The following CPXCR1 variants were observed in gnomAD, a reference collection of about 807,000 sequenced individuals.
The protein encoded by CPXCR1 is CPX chromosome region candidate 1.
Under a neutral mutation model 13.8 loss-of-function variants are expected in CPXCR1, and 15 were observed. That is an observed-to-expected ratio of 1.09 (90% CI 0.73 to 1.67). CPXCR1 has a LOEUF of 1.67. Ranked by LOEUF, CPXCR1 falls within the 40% of genes most tolerant of loss-of-function variation. CPXCR1 has a pLI of 0.00. For missense variants in CPXCR1, 247 were observed against 223.6 expected (o/e 1.10, Z -0.67); for synonymous variants, 70 against 76.7 (o/e 0.91, Z 0.46).
rs1415383421 is a variant in CPXCR1, at chrX:88,753,989, G to C, written c.575G>C (p.Arg192Thr). 6 of 1,207,303 alleles carry C rather than the reference G, an allele frequency of 5.0e-6. No homozygotes were observed. Among genetic ancestry groups the C allele is most frequent in the African/African-American group, 1.8e-5 (1 of 56,783 alleles). Reference protein sequence around the residue: ...YHPNSFTHHERAITFRRPSRV... With the variant: ...YHPNSFTHHETAITFRRPSRV... ...CCAAATAGTTTCACCCATCACGAGA[G>C]AGCCATAACATTTAGAAGGCCTTCG... is the stretch of plus-strand genomic sequence containing the variant. The change falls in exon 3 of 3, where the codon AGA becomes ACA. Residue 192 changes from arginine (R) to threonine (T), a missense_variant. Physicochemically the swap from Arg to Thr is moderately conservative, Grantham distance 71. Transcript: ENST00000276127.
Position 88,754,396 on chromosome X carries a change from G to T in CPXCR1, c.*76G>T. 1.5e-6 allele frequency: 1 copy of T among 665,500 alleles called. No homozygotes were observed. The highest frequency in any genetic ancestry group is 2.2e-6 in the Non-Finnish European group (1 of 452,214). The allele number at this position is 665,500 out of a possible 1,213,427, so 54.8% of individuals were successfully genotyped here. On this transcript the variant is annotated 3_prime_UTR_variant, in exon 3 of 3. Coordinates refer to ENST00000276127, the MANE Select transcript of CPXCR1 (RefSeq NM_033048.6). Reference sequence around the variant, plus strand: ...TTGACTACTAAAGTAAGACAAAATTGCATGAACATAAATTTTAGTATTATT... The same window carrying T: ...TTGACTACTAAAGTAAGACAAAATTTCATGAACATAAATTTTAGTATTATT...
chrX:88,753,337 A>G (rs1200715051), intron 2 of CPXCR1, 70 bp from the exon 3 acceptor site: 1 of 646,754 alleles, frequency 1.5e-6, no homozygotes, highest in Non-Finnish European at 2.2e-6. Flanking sequence ...GCCATGACCA[A>G]AGAATTGACT....
chrX:88,751,941 C>A (rs965707049), intron 2 of CPXCR1, among the ~76,000 whole-genome samples: 1 of 111,583 alleles, frequency 9.0e-6, no homozygotes, highest in Non-Finnish European at 1.9e-5. Flanking sequence ...ATCCTGCTAA[C>A]TTATCCATAA....
In CPXCR1 at chrX:88,753,669, A is replaced by G. The variant is rs112663512; in HGVS notation, c.255A>G (p.Leu85=). The G allele has an allele frequency of 8.3e-6, 10 of 1,207,346 alleles. No homozygotes were observed. The African/African-American group carries it at 1.2e-4, about 15-fold the overall frequency. The change falls in exon 3 of 3, where the codon CTA becomes CTG. Residue 85 remains leucine (L), a synonymous_variant. Coordinates refer to ENST00000276127, the MANE Select transcript of CPXCR1 (RefSeq NM_033048.6). The part of the protein sequence containing the change: ...EIQKDQREED[L]KEELLLLQTP... ...AAAAAGATCAACGAGAAGAAGATCT[A>G]AAAGAAGAGCTTCTTCTACTTCAGA...
chrX:88,754,020 G>A lies in CPXCR1; in HGVS notation c.606G>A (p.Val202=), dbSNP rs1437274185. 2.5e-6 allele frequency: 3 copies of A among 1,210,505 alleles called. No homozygotes were observed. The highest frequency in any genetic ancestry group is 3.0e-5 in the East Asian group (1 of 33,812). The part of the protein sequence containing the change: ...RAITFRRPSR[V]HYYRPLTERM... ...TAACATTTAGAAGGCCTTCGAGGGT[G>A]CACTACTACCGTCCCCTCACTGAGA... The change falls in exon 3 of 3, where the codon GTG becomes GTA. Residue 202 remains valine (V), a synonymous_variant. Transcript: ENST00000276127.
In CPXCR1 at chrX:88,749,396, G is replaced by A. The variant is rs1602838319; in HGVS notation, c.-36G>A. 9.0e-6 allele frequency: 1 copy of A among 110,685 alleles called. No individual in the cohort carries two copies. Among genetic ancestry groups the A allele is most frequent in the South Asian group, 3.8e-4 (1 of 2,598 alleles). The allele number at this position is 110,685 out of a possible 1,213,427, so 9.1% of individuals were successfully genotyped here. On this transcript the variant is annotated 5_prime_UTR_variant, in exon 2 of 3. Transcript: ENST00000276127. ...TACTGCATTTCAGCCTTACTGAGAA[G>A]CAGCCAGTCATACTATCCTCAAATT... is the stretch of plus-strand genomic sequence containing the variant.
Position 88,753,737 on chromosome X carries a change from A to G in CPXCR1, c.323A>G (p.Asp108Gly), listed in dbSNP as rs188296152. ...RKLVSHKPLNDRSRSHSGKVE... is the reference protein window; with the variant it reads ...RKLVSHKPLNGRSRSHSGKVE... Reference sequence around the variant, plus strand: ...TTGGTCTCTCACAAGCCCTTAAATGATAGATCAAGATCCCACTCAGGGAAA... The same window carrying G: ...TTGGTCTCTCACAAGCCCTTAAATGGTAGATCAAGATCCCACTCAGGGAAA... The change falls in exon 3 of 3, where the codon GAT becomes GGT. Residue 108 changes from aspartate (D) to glycine (G), a missense_variant. Physicochemically the swap from Asp to Gly is moderately conservative, Grantham distance 94 (BLOSUM62 -1). Coordinates refer to ENST00000276127, the MANE Select transcript of CPXCR1 (RefSeq NM_033048.6). 2 of 1,207,092 alleles carry G rather than the reference A, an allele frequency of 1.7e-6. No homozygotes were observed.
intron 2 of CPXCR1, among the ~76,000 whole-genome samples, chrX:88,751,525 G>A (rs1180721222): frequency 2.7e-5 from 3 of 111,360 alleles, no homozygotes; most frequent in Admixed American, 1.9e-4. Context: ...ATGTGGTGCT[G>A]AGAAGAATGT....
chrX:88,748,954 GT>G (rs1924847401), intron 1 of CPXCR1, among the ~76,000 whole-genome samples: 4 of 105,616 alleles, frequency 3.8e-5, no homozygotes, highest in Non-Finnish European at 7.7e-5. Context: ...TATACTTTAA[GT>G]TTTAGGGTAC....
chrX:88,752,745 C>T (rs1924958183), intron 2 of CPXCR1, among the ~76,000 whole-genome samples: 1 of 110,249 alleles, frequency 9.1e-6, no homozygotes, highest in Non-Finnish European at 1.9e-5. Flanking sequence ...CAGGGTTTCA[C>T]CAGGTTGGTC....
chrX:88,753,321 C>A, intron 2 of CPXCR1, 86 bp from the exon 3 acceptor site: 1 of 521,754 alleles, frequency 1.9e-6, no homozygotes, highest in Non-Finnish European at 2.9e-6. Flanking sequence ...CATTCACAGG[C>A]TTTTTGCCAT....
At position 88,754,263 on chromosome X, in the gene CPXCR1, G is replaced by T; in HGVS notation, c.849G>T (p.Arg283Ser). The T allele has an allele frequency of 8.6e-7, 1 of 1,169,302 alleles. No individual in the cohort carries two copies. Among genetic ancestry groups the T allele is most frequent in the South Asian group, 2.0e-5 (1 of 49,953 alleles). Residue 283 changes from arginine (R) to serine (S), a missense_variant, in exon 3 of 3, where the codon AGG becomes AGT. Physicochemically the swap from Arg to Ser is moderately radical, Grantham distance 110. Coordinates refer to ENST00000276127, the MANE Select transcript of CPXCR1 (RefSeq NM_033048.6). ...AATACTTTTGTCCCATCTGTGGAAGGCTTTTTAACACTTACTCTGAATTAA... is the reference window on the plus strand; with the variant it reads ...AATACTTTTGTCCCATCTGTGGAAGTCTTTTTAACACTTACTCTGAATTAA... ...GWKYFCPICG[R>S]LFNTYSELRQ...
In CPXCR1 at chrX:88,754,148, A is replaced by C; in HGVS notation, c.734A>C (p.Glu245Ala). 1 of 1,197,053 alleles carries C rather than the reference A, an allele frequency of 8.4e-7. No individual in the cohort carries two copies. The highest frequency in any genetic ancestry group is 1.8e-5 in the South Asian group (1 of 55,829). Residue 245 changes from glutamate to alanine, a missense_variant, in exon 3 of 3, where the codon GAA becomes GCA. Physicochemically the swap from Glu to Ala is moderately radical, Grantham distance 107. Transcript: ENST00000276127. ...SVLFVSQIQI[E>A]SIFNIKGFVD... ...CTCTTTGTGTCACAGATACAAATTG[A>C]AAGTATTTTTAATATAAAAGGTTTT...
chrX:88,750,045 G>A (rs945525236), intron 2 of CPXCR1, among the ~76,000 whole-genome samples: 1 of 110,493 alleles, frequency 9.1e-6, no homozygotes, highest in Non-Finnish European at 1.9e-5. Context: ...GACTTCCTCT[G>A]TTCTTATTTG....
At chrX:88,752,831 G>C (rs947907153) in intron 2 of CPXCR1, among the ~76,000 whole-genome samples, 1 of 111,598 alleles carries the variant, frequency 9.0e-6, no homozygotes, top group Non-Finnish European at 1.9e-5. Context: ...ACAGGCATGG[G>C]ACACCGCGCT....
In CPXCR1 at chrX:88,753,936, G is replaced by A; in HGVS notation, c.522G>A (p.Lys174=). 8.3e-7 allele frequency: 1 copy of A among 1,210,774 alleles called. No individual in the cohort carries two copies. Among genetic ancestry groups the A allele is most frequent in the South Asian group, 1.8e-5 (1 of 56,940 alleles). Residue 174 remains lysine, a synonymous_variant, in exon 3 of 3, where the codon AAG becomes AAA. Transcript: ENST00000276127. ...AAGCQNTMWV[K]RKYIACLYHP... Reference sequence around the variant, plus strand: ...GGTGTCAGAATACCATGTGGGTAAAGCGAAAATATATAGCATGTCTTTACC... The same window carrying A: ...GGTGTCAGAATACCATGTGGGTAAAACGAAAATATATAGCATGTCTTTACC...
chrX:88,748,697 A>T (rs948484652), intron 1 of CPXCR1, among the ~76,000 whole-genome samples: 1 of 110,478 alleles, frequency 9.1e-6, no homozygotes, highest in Non-Finnish European at 1.9e-5. Context: ...GATATCACAT[A>T]TTATGTTTAT....
rs922834144 is a variant in CPXCR1, at chrX:88,754,425, G to A, written c.*105G>A. On this transcript the variant is annotated 3_prime_UTR_variant, in exon 3 of 3. Transcript: ENST00000276127. Reference sequence around the variant, plus strand: ...GAACATAAATTTTAGTATTATTAGAGGGAGTAGCAGAAAGGAACACAAACT... The same window carrying A: ...GAACATAAATTTTAGTATTATTAGAAGGAGTAGCAGAAAGGAACACAAACT... 6 of 500,654 alleles carry A rather than the reference G, an allele frequency of 1.2e-5. No homozygotes were observed. In the African/African-American group the frequency reaches 1.5e-4, roughly 12 times the overall value. 41.3% of individuals were successfully genotyped at this position (500,654 alleles called of 1,213,427 possible). A position where few individuals can be genotyped will look rare whatever the true frequency, so the allele number is the denominator to read the frequency against.
intron 2 of CPXCR1, among the ~76,000 whole-genome samples, chrX:88,749,654 G>C (rs1377210297): frequency 9.1e-6 from 1 of 110,466 alleles, no homozygotes; most frequent in East Asian, 2.8e-4. Context: ...GTATACTAGA[G>C]AATGGAGATT....
Sources: gnomAD v4.1 joint callset for allele counts (sites outside exome capture counted in the v4.1 genomes callset) on GRCh38, gnomAD v4.1.1 for gene constraint, MANE v1.5 for transcripts, NCBI Gene and HGNC (gene_info 2026-07-23, HGNC 2026-07-21) for gene names.